NKAIN3: variants seen among roughly 807,000 people sequenced by gnomAD.
The protein encoded by NKAIN3 is sodium/potassium transporting ATPase interacting 3, also known as sodium/potassium-transporting ATPase subunit beta-1-interacting protein 3.
A neutral mutation model predicts 30.2 loss-of-function variants in NKAIN3; 25 were observed. The ratio of observed to expected loss-of-function variants is 0.83; its 90% CI spans 0.60 to 1.16. The LOEUF (loss-of-function observed/expected upper bound fraction) is 1.16. NKAIN3 is among the 50% of genes most tolerant of loss of function. The pLI is 0.00. For synonymous variants in NKAIN3, 91 were observed against 89.6 expected (o/e 1.02, Z -0.09); for missense variants, 225 against 254.1 (o/e 0.89, Z 0.78).
In NKAIN3 at chr8:62,412,319, A is replaced by AAC. The variant is rs200041667; in HGVS notation, c.54+163193_54+163194insCA. ...GCTGACAAACAAAAACAAACAAACAAAAAAAAACAGTGGGGAAAGGTCTTC... is the reference window on the plus strand; with the variant it reads ...GCTGACAAACAAAAACAAACAAACAAACAAAAAAACAGTGGGGAAAGGTCTTC... On this transcript the variant is annotated intron_variant, in intron 1 of 6. Transcript: ENST00000623646. 3.6e-3 allele frequency among the ~76,000 whole-genome samples: 548 copies of AAC among 151,834 alleles called. 1 individual carries two copies. Among genetic ancestry groups the AAC allele is most frequent in the East Asian group, 0.025 (128 of 5,166 alleles).
At chr8:62,811,656 C>T (rs1586224649) in intron 4 of NKAIN3, among the ~76,000 whole-genome samples, 1 of 151,864 alleles carries the variant, frequency 6.6e-6, no homozygotes, top group South Asian at 2.1e-4. Flanking sequence ...TGCTTATCTG[C>T]CATCGGTGTA....
intron 1 of NKAIN3, among the ~76,000 whole-genome samples, chr8:62,464,568 G>A (rs2129599693): frequency 6.6e-6 from 1 of 152,278 alleles, no homozygotes; most frequent in South Asian, 2.1e-4. Flanking sequence ...TCTATCTTAA[G>A]TGCCAGTTAG....
At chr8:62,943,912 G>GA (rs1468199895) in intron 5 of NKAIN3, among the ~76,000 whole-genome samples, 1 of 151,364 alleles carries the variant, frequency 6.6e-6, no homozygotes, top group Non-Finnish European at 1.5e-5. Flanking sequence ...CTCAGGAATG[G>GA]AAAACCAAAC....
chr8:62,942,915 C>A (rs1585604487), intron 5 of NKAIN3, among the ~76,000 whole-genome samples: 1 of 152,052 alleles, frequency 6.6e-6, no homozygotes, highest in Non-Finnish European at 1.5e-5. Context: ...AATCCAAGAC[C>A]TGAAACCATA....
intron 5 of NKAIN3, among the ~76,000 whole-genome samples, chr8:62,939,038 T>C (rs1822869230): frequency 6.6e-6 from 1 of 151,910 alleles, no homozygotes; most frequent in Non-Finnish European, 1.5e-5. Context: ...TCCAGAGAAA[T>C]AGAAAGCACA....
intron 4 of NKAIN3, among the ~76,000 whole-genome samples, chr8:62,785,843 G>T (rs1817499559): frequency 6.6e-6 from 1 of 152,106 alleles, no homozygotes; most frequent in Non-Finnish European, 1.5e-5. Flanking sequence ...TGGATAAATG[G>T]AAATCAGAAT....
At chr8:62,314,323 A>G (rs1024141135) in intron 1 of NKAIN3, among the ~76,000 whole-genome samples, 1 of 152,154 alleles carries the variant, frequency 6.6e-6, no homozygotes, top group Non-Finnish European at 1.5e-5. Context: ...ATCCAGAGTC[A>G]TATCTGGCTA....
intron 1 of NKAIN3, among the ~76,000 whole-genome samples, chr8:62,478,241 G>C (rs564616245): frequency 6.6e-6 from 1 of 152,114 alleles, no homozygotes; most frequent in Admixed American, 6.5e-5. Context: ...GTAGAGCCGG[G>C]TATCCAGCTA....
At chr8:62,912,584 A>T (rs565028115) in intron 4 of NKAIN3, among the ~76,000 whole-genome samples, 9 of 152,030 alleles carry the variant, frequency 5.9e-5, no homozygotes, top group African/African-American at 1.2e-4. Flanking sequence ...TTTTCTATTA[A>T]TTTTTTTTAA....
intron 1 of NKAIN3, among the ~76,000 whole-genome samples, chr8:62,332,225 G>A (rs958971700): frequency 2.6e-5 from 4 of 152,034 alleles, no homozygotes; most frequent in African/African-American, 9.7e-5. Flanking sequence ...AACGGACTTC[G>A]TTAAAGGTCA....
At chr8:62,767,638 G>A (rs1816884741) in intron 4 of NKAIN3, among the ~76,000 whole-genome samples, 1 of 151,664 alleles carries the variant, frequency 6.6e-6, no homozygotes, top group African/African-American at 2.4e-5. Context: ...TAACTTCTGA[G>A]TATTTTTCAT....
intron 1 of NKAIN3, among the ~76,000 whole-genome samples, chr8:62,259,607 T>C (rs1371807766): frequency 6.6e-6 from 1 of 152,208 alleles, no homozygotes; most frequent in East Asian, 1.9e-4. Flanking sequence ...TGTGATATGT[T>C]TTGCAAAGAT....
At chr8:62,567,227 A>T (rs1472974038) in intron 1 of NKAIN3, among the ~76,000 whole-genome samples, 1 of 152,150 alleles carries the variant, frequency 6.6e-6, no homozygotes, top group Non-Finnish European at 1.5e-5. Context: ...AGACAGTAAC[A>T]TTAGCTCAGA....
chr8:62,556,751 T>C (rs1272773031), intron 1 of NKAIN3, among the ~76,000 whole-genome samples: 2 of 151,948 alleles, frequency 1.3e-5, no homozygotes, highest in Admixed American at 6.6e-5. Flanking sequence ...ATTTTGAACT[T>C]ATATTAATCT....
intron 1 of NKAIN3, among the ~76,000 whole-genome samples, chr8:62,295,807 G>T (rs1813808049): frequency 1.3e-5 from 2 of 152,014 alleles, no homozygotes; most frequent in African/African-American, 4.8e-5. Context: ...ATATTTGTTT[G>T]TTTGTGTATT....
intron 4 of NKAIN3, among the ~76,000 whole-genome samples, chr8:62,794,618 C>A (rs1305597539): frequency 6.6e-6 from 1 of 152,154 alleles, no homozygotes; most frequent in Non-Finnish European, 1.5e-5. Flanking sequence ...TTGAGCTCAG[C>A]CCTTCTTCTA....
intron 4 of NKAIN3, chr8:62,864,117 G>C: frequency 1.6e-6 from 1 of 627,634 alleles, no homozygotes; most frequent in Non-Finnish European, 2.8e-6. Context: ...GGGGCTTCGC[G>C]GAGGTGATGG....
At chr8:62,364,300 C>T (rs1816658260) in intron 1 of NKAIN3, among the ~76,000 whole-genome samples, 1 of 152,124 alleles carries the variant, frequency 6.6e-6, no homozygotes, top group Non-Finnish European at 1.5e-5. Flanking sequence ...GTAGTAATGT[C>T]TTAAAGGTGG....
chr8:62,520,310 C>A (rs946841116), intron 1 of NKAIN3, among the ~76,000 whole-genome samples: 5 of 152,026 alleles, frequency 3.3e-5, no homozygotes, highest in Non-Finnish European at 7.4e-5. Flanking sequence ...AGATTTTCCA[C>A]CGATTAAAGG....
Sources: gnomAD v4.1 joint callset for allele counts (sites outside exome capture counted in the v4.1 genomes callset) on GRCh38, gnomAD v4.1.1 for gene constraint, MANE v1.5 for transcripts, NCBI Gene and HGNC (gene_info 2026-07-23, HGNC 2026-07-21) for gene names.